Variants in CD6 observed in about 807,000 individuals in gnomAD.
CD6 encodes T-cell differentiation antigen CD6.
CD6 carries 53 observed loss-of-function variants against 75.3 expected under a neutral mutation model. The ratio of observed to expected loss-of-function variants is 0.70; its 90% CI spans 0.56 to 0.88. The LOEUF (loss-of-function observed/expected upper bound fraction) is 0.88. CD6 is among the 40% of genes least tolerant of loss of function. The probability of loss-of-function intolerance (pLI) is 0.00; values close to 1 mark genes in which losing one functional copy is unlikely to be tolerated. For missense variants in CD6, 770 were observed against 897.1 expected, an observed-to-expected ratio of 0.86 and a Z score of 1.81; for synonymous variants, 359 against 381.5, an observed-to-expected ratio of 0.94 and a Z score of 0.69.
intron 1 of CD6, among the ~76,000 whole-genome samples, chr11:60,988,777 C>T (rs1214519972): frequency 6.6e-6 from 1 of 152,164 alleles, no homozygotes; most frequent in African/African-American, 2.4e-5. Context: ...GGATTTTCAC[C>T]CCTTGCCCAC....
intron 3 of CD6, 113 bp downstream of exon 3, chr11:61,008,023 C>A (rs1450383728): frequency 1.6e-6 from 1 of 632,480 alleles, no homozygotes; most frequent in South Asian, 4.6e-5. Flanking sequence ...CCTCCACCCC[C>A]ACCGCCTACC....
At chr11:60,978,706 G>A (rs1013219454) in intron 1 of CD6, among the ~76,000 whole-genome samples, 4 of 152,188 alleles carry the variant, frequency 2.6e-5, no homozygotes, top group Admixed American at 2.6e-4. Context: ...GAAGGGCACT[G>A]TATCAACCCC....
At chr11:60,975,468 A>T (rs988578609) in intron 1 of CD6, among the ~76,000 whole-genome samples, 1 of 152,240 alleles carries the variant, frequency 6.6e-6, no homozygotes, top group African/African-American at 2.4e-5. Flanking sequence ...GAATTCTATT[A>T]TCACAATTAA....
chr11:61,000,546 T>A (rs12797044), intron 1 of CD6, among the ~76,000 whole-genome samples: 27,848 of 152,210 alleles, frequency 0.18, 3,053 homozygotes, highest in Middle Eastern at 0.31. Context: ...GGTGTTGACC[T>A]GACACTGGTC....
rs183929622 is a variant in CD6, at chr11:60,981,933, G to A, written c.49+10019G>A. 2.1e-3 allele frequency among the ~76,000 whole-genome samples: 318 copies of A among 152,046 alleles called. 1 individual carries two copies. The highest frequency in any genetic ancestry group is 7.3e-3 in the African/African-American group (302 of 41,474). ...TTCCCTTGTATGGAAGGGTGCCCCT[G>A]GGTCTCCACCGTGTGCTAGGGGGTG... On this transcript the variant is annotated intron_variant, in intron 1 of 12. Transcript: ENST00000313421.
At chr11:61,001,918 G>A (rs1292655521) in intron 1 of CD6, among the ~76,000 whole-genome samples, 1 of 152,174 alleles carries the variant, frequency 6.6e-6, no homozygotes, top group Non-Finnish European at 1.5e-5. Flanking sequence ...CTGTGGAGCT[G>A]GCCCTGCTTG....
rs1590656910 is a variant in CD6 at position 60,971,801 on chromosome 11, C to T, written c.-65C>T. On this transcript the variant is annotated 5_prime_UTR_variant, in exon 1 of 13. Coordinates refer to ENST00000313421, the MANE Select transcript of CD6 (RefSeq NM_006725.5). Reference sequence around the variant, plus strand: ...AGGGGCGCACAACGGCCGTGTCCACCTCCCGGCCCCAAGATGGTGCTTCCC... The same window carrying T: ...AGGGGCGCACAACGGCCGTGTCCACTTCCCGGCCCCAAGATGGTGCTTCCC... The T allele has an allele frequency of 1.3e-6, 2 of 1,547,572 alleles. No homozygotes were observed. The highest frequency in any genetic ancestry group is 2.3e-5 in the East Asian group (1 of 43,540).
chr11:61,006,619 C>T lies in CD6; in HGVS notation c.95C>T (p.Ala32Val). Residue 32 changes from alanine to valine, a missense_variant, in exon 2 of 13, where the codon GCA (alanine) becomes GTA (valine). By Grantham distance (64) the Ala-to-Val change is moderately conservative (BLOSUM62 0). Transcript: ENST00000313421. ...CCTGACCAGCTCAACACCAGCAGTG[C>T]AGAGAGTGAGCTCTGGGAGCCAGGT... is the stretch of plus-strand genomic sequence containing the variant. ...APPDQLNTSSAESELWEPGER... is the reference protein window; with the variant it reads ...APPDQLNTSSVESELWEPGER... 6.2e-7 allele frequency: 1 copy of T among 1,610,716 alleles called. No homozygotes were observed. The highest frequency in any genetic ancestry group is 8.5e-7 in the Non-Finnish European group (1 of 1,178,636).
chr11:60,996,933 G>A (rs1228171312), intron 1 of CD6, among the ~76,000 whole-genome samples: 1 of 152,196 alleles, frequency 6.6e-6, no homozygotes, highest in Admixed American at 6.5e-5. Flanking sequence ...GGCTCAGACT[G>A]GCAAAGTGAC....
chr11:61,016,602 C>T (rs772735697), intron 9 of CD6, among the ~76,000 whole-genome samples: 6 of 152,234 alleles, frequency 3.9e-5, no homozygotes, highest in Non-Finnish European at 8.8e-5. Flanking sequence ...GAATGGCTCA[C>T]CTCCATGTCC....
chr11:61,013,947 C>T lies in CD6; in HGVS notation c.1320C>T (p.His440=), dbSNP rs148791898. 3.1e-6 allele frequency: 5 copies of T among 1,613,494 alleles called. No individual in the cohort carries two copies. The highest frequency in any genetic ancestry group is 4.2e-6 in the Non-Finnish European group (5 of 1,179,784). ...TCCCCGTAATGGTGAACCACCAGCA[C>T]CTACCCACCACCATCCCGGCAGGGA... is the stretch of plus-strand genomic sequence containing the variant. ...YALPVMVNHQ[H]LPTTIPAGSN... The change falls in exon 8 of 13, where the codon CAC becomes CAT. Residue 440 remains histidine, a synonymous_variant. Coordinates refer to ENST00000313421, the MANE Select transcript of CD6 (RefSeq NM_006725.5).
At chr11:61,016,181 G>A (rs534725265) in intron 9 of CD6, among the ~76,000 whole-genome samples, 11 of 152,268 alleles carry the variant, frequency 7.2e-5, no homozygotes, top group African/African-American at 2.6e-4. Flanking sequence ...CAGTTGGCAG[G>A]GGTTCTCGCA....
chr11:61,005,388 C>T (rs12420028), intron 1 of CD6, among the ~76,000 whole-genome samples: 19,362 of 152,192 alleles, frequency 0.13, 1,694 homozygotes, highest in Non-Finnish European at 0.19. Flanking sequence ...ATAAGTGTCA[C>T]ATCTTCGCTC....
chr11:61,011,215 ACC>A, intron 6 of CD6, 80 bp downstream of exon 6: 1 of 557,512 alleles, frequency 1.8e-6, no homozygotes, highest in South Asian at 6.1e-5. Flanking sequence ...TCCTGTGCAC[ACC>A]TGTGTTGGGG....
chr11:61,019,362 C>T lies in CD6; in HGVS notation c.*44C>T. The T allele has an allele frequency of 2.0e-6, 3 of 1,489,840 alleles. No individual in the cohort carries two copies. Among genetic ancestry groups the T allele is most frequent in the Non-Finnish European group, 2.8e-6 (3 of 1,081,376 alleles). The allele number at this position is 1,489,840 out of a possible 1,614,324, so 92.3% of individuals were successfully genotyped here. On this transcript the variant is annotated 3_prime_UTR_variant, in exon 13 of 13. Transcript: ENST00000313421. ...TCCTGGGGTGGCTCTGACCCTCTGG[C>T]CTCCTGCTCTACCTACTCCCTTTCC...
chr11:60,998,606 G>A (rs963251899), intron 1 of CD6, among the ~76,000 whole-genome samples: 1 of 152,114 alleles, frequency 6.6e-6, no homozygotes, highest in Admixed American at 6.6e-5. Flanking sequence ...AGCCACATGA[G>A]CTCTTCAATT....
chr11:60,982,722 C>T (rs927130855), intron 1 of CD6: 2 of 456,030 alleles, frequency 4.4e-6, no homozygotes, highest in Admixed American at 2.3e-5. Context: ...CTGGAAGAAA[C>T]CCCAGCGAGC....
intron 5 of CD6, among the ~76,000 whole-genome samples, chr11:61,010,658 T>C (rs1251685644): frequency 6.6e-6 from 1 of 152,228 alleles, no homozygotes; most frequent in African/African-American, 2.4e-5. Context: ...TAGTATCTGC[T>C]GAGGGACTTC....
Position 61,007,759 on chromosome 11 carries a change from C to T in CD6, c.318C>T (p.Pro106=). The part of the protein sequence containing the change: ...QLAPPTPELP[P]PPAAGNTSVA... ...CCCCGCCGACCCCTGAGCTGCCGCC[C>T]CCGCCTGCAGCCGGGAACACCAGCG... Residue 106 remains proline, a synonymous_variant, in exon 3 of 13, where the codon CCC becomes CCT. Transcript: ENST00000313421. The surrounding 1 kb of genome is among the most constrained non-coding windows in gnomAD (Gnocchi z 4.2). 3 of 1,458,696 alleles carry T rather than the reference C, an allele frequency of 2.1e-6. No individual in the cohort carries two copies. Among genetic ancestry groups the T allele is most frequent in the Non-Finnish European group, 2.7e-6 (3 of 1,104,220 alleles). The allele number at this position is 1,458,696 out of a possible 1,614,324, so 90.4% of individuals were successfully genotyped here. A position where few individuals can be genotyped will look rare whatever the true frequency, so the allele number is the denominator to read the frequency against.
Sources: allele counts gnomAD v4.1 joint callset (sites outside exome capture counted in the v4.1 genomes callset), GRCh38; gene constraint gnomAD v4.1.1; non-coding constraint Gnocchi (gnomAD v3.1); transcripts MANE v1.5; gene names NCBI Gene and HGNC (gene_info 2026-07-23, HGNC 2026-07-21).